GPR160: variants seen among roughly 807,000 people sequenced by gnomAD.
The protein encoded by GPR160 is G protein-coupled receptor 160.
In GPR160, 2 loss-of-function variants were observed where a neutral mutation model predicts 2.6. The ratio of observed to expected loss-of-function variants is 0.77; its 90% CI spans 0.32 to 2.44. The LOEUF (loss-of-function observed/expected upper bound fraction) is 2.44, where lower values mean the gene tolerates loss of function less well. GPR160 is among the 30% of genes most tolerant of loss of function. GPR160 has a pLI of 0.11. For synonymous variants in GPR160, 130 were observed against 132.2 expected (o/e 0.98, Z 0.12); for missense variants, 351 against 383.6 (o/e 0.91, Z 0.71).
rs1712028595 is a variant in GPR160, at chr3:170,062,670, T to TG, written c.-192-17103dup. ...AATGCAGCCATCGCCAAGCAAGCCT[T>TG]GAAATAGCCCATCAAGGGCAAACAG... On this transcript the variant is annotated intron_variant, in intron 2 of 3. Coordinates refer to ENST00000355897, the MANE Select transcript of GPR160 (RefSeq NM_014373.3). 7 of 1,442,676 alleles carry TG rather than the reference T, an allele frequency of 4.9e-6. No individual in the cohort carries two copies. The Middle Eastern group carries it at 8.6e-4, about 178-fold the overall frequency. 89.4% of individuals were successfully genotyped at this position (1,442,676 alleles called of 1,614,324 possible). A position where few individuals can be genotyped will look rare whatever the true frequency, so the allele number is the denominator to read the frequency against.
intron 2 of GPR160, chr3:170,057,375 A>G (rs1174868744): frequency 6.6e-6 from 1 of 152,168 alleles, no homozygotes; most frequent in Non-Finnish European, 1.5e-5. Flanking sequence ...TTTTCTCAAT[A>G]CCCTGCCATG....
intron 2 of GPR160, chr3:170,062,677 GC>G: frequency 7.0e-7 from 1 of 1,438,612 alleles, no homozygotes; most frequent in South Asian, 1.2e-5. Context: ...CCTTGAAATA[GC>G]CCATCAAGGG....
chr3:170,053,164 TA>T (rs35305610), intron 2 of GPR160, among the ~76,000 whole-genome samples: 1,897 of 152,252 alleles, frequency 0.012, 19 homozygotes, highest in Non-Finnish European at 0.019. Flanking sequence ...TGAATATCTT[TA>T]AAAAAGAAAA....
chr3:170,070,839 C>A (rs1712554053), intron 2 of GPR160, among the ~76,000 whole-genome samples: 1 of 152,184 alleles, frequency 6.6e-6, no homozygotes, highest in South Asian at 2.1e-4. Flanking sequence ...TGGAGATTTA[C>A]ATTAATTCCA....
At chr3:170,043,748 G>C (rs1457538024) in intron 2 of GPR160, among the ~76,000 whole-genome samples, 1 of 152,058 alleles carries the variant, frequency 6.6e-6, no homozygotes, top group Non-Finnish European at 1.5e-5. Context: ...ACAGGCGGGG[G>C]GCATGGGTCA....
At chr3:170,059,987 A>G (rs952142762) in intron 2 of GPR160, among the ~76,000 whole-genome samples, 3 of 152,258 alleles carry the variant, frequency 2.0e-5, no homozygotes, top group East Asian at 1.9e-4. Context: ...GACTCCTGAG[A>G]TGGTAGCTTT....
chr3:170,081,814 A>C (rs1713143030), intron 3 of GPR160, among the ~76,000 whole-genome samples: 1 of 152,156 alleles, frequency 6.6e-6, no homozygotes, highest in Non-Finnish European at 1.5e-5. Context: ...TTATAAGTGA[A>C]AACATGCGGT....
intron 3 of GPR160, 71 bp from the exon 4 acceptor site, chr3:170,083,834 G>A (rs750887558): frequency 6.5e-6 from 3 of 461,502 alleles, no homozygotes; most frequent in Non-Finnish European, 1.2e-5. Context: ...AGGCTTTTAA[G>A]AATAGTGGTG....
chr3:170,061,214 G>A (rs892953927), intron 2 of GPR160, among the ~76,000 whole-genome samples: 2 of 151,576 alleles, frequency 1.3e-5, no homozygotes, highest in African/African-American at 4.9e-5. Context: ...GGCAGAGGTT[G>A]CAGTGAGCCG....
chr3:170,068,290 G>A (rs1047188145), intron 2 of GPR160, among the ~76,000 whole-genome samples: 12 of 152,054 alleles, frequency 7.9e-5, no homozygotes, highest in African/African-American at 1.4e-4. Flanking sequence ...TATTACAGGC[G>A]TGCACCACCA....
intron 2 of GPR160, among the ~76,000 whole-genome samples, chr3:170,058,194 A>G (rs1479123936): frequency 6.6e-6 from 1 of 152,210 alleles, no homozygotes; most frequent in Non-Finnish European, 1.5e-5. Context: ...GCAATGGATC[A>G]AATCCAGTAC....
At chr3:170,066,628 C>A (rs1337318770) in intron 2 of GPR160, among the ~76,000 whole-genome samples, 1 of 152,050 alleles carries the variant, frequency 6.6e-6, no homozygotes, top group African/African-American at 2.4e-5. Context: ...TCTCTATTGG[C>A]GGACATTTAA....
intron 2 of GPR160, among the ~76,000 whole-genome samples, chr3:170,048,418 A>T (rs557368572): frequency 2.6e-4 from 39 of 152,254 alleles, no homozygotes; most frequent in South Asian, 4.1e-4. Flanking sequence ...CTATTAAAAA[A>T]TTTTTTTTAA....
At chr3:170,050,942 G>C (rs926462743) in intron 2 of GPR160, among the ~76,000 whole-genome samples, 2 of 152,180 alleles carry the variant, frequency 1.3e-5, no homozygotes, top group African/African-American at 4.8e-5. Context: ...ACAAGTGTTA[G>C]TATGGACCTT....
intron 2 of GPR160, among the ~76,000 whole-genome samples, chr3:170,058,835 A>G (rs529679468): frequency 6.6e-6 from 1 of 152,364 alleles, no homozygotes; most frequent in Admixed American, 6.5e-5. Flanking sequence ...TGAATAAGCT[A>G]TAGTATATCT....
At chr3:170,068,602 C>T (rs1712453558) in intron 2 of GPR160, among the ~76,000 whole-genome samples, 1 of 152,194 alleles carries the variant, frequency 6.6e-6, no homozygotes. Context: ...ATTTCCCAAA[C>T]ATTATTTTCC....
Position 170,041,566 on chromosome 3 carries a change from C to T in GPR160, c.-193+2523C>T, listed in dbSNP as rs544280843. Among the ~76,000 whole-genome samples the T allele has an allele frequency of 2.4e-3, 370 of 152,312 alleles. 2 individuals carry two copies. Among genetic ancestry groups the T allele is most frequent in the African/African-American group, 8.6e-3 (357 of 41,578 alleles). On this transcript the variant is annotated intron_variant, in intron 2 of 3. Coordinates refer to ENST00000355897, the MANE Select transcript of GPR160 (RefSeq NM_014373.3). ...AAGTGTTGGGATTACAGGCGTGAGCCATCGCGCCCGGCCGTAAAGATGTTT... is the reference window on the plus strand; with the variant it reads ...AAGTGTTGGGATTACAGGCGTGAGCTATCGCGCCCGGCCGTAAAGATGTTT...
chr3:170,076,456 C>A (rs1253807928), intron 2 of GPR160, among the ~76,000 whole-genome samples: 1 of 152,030 alleles, frequency 6.6e-6, no homozygotes, highest in East Asian at 1.9e-4. Context: ...ATTTCATTAT[C>A]CAAATGGATA....
At chr3:170,082,972 G>GT (rs1559994358) in intron 3 of GPR160, among the ~76,000 whole-genome samples, 16 of 134,814 alleles carry the variant, frequency 1.2e-4, no homozygotes, top group Admixed American at 4.7e-4. Context: ...TCATTTTTGG[G>GT]GTTTTTTTTT....
Sources: allele counts gnomAD v4.1 joint callset (sites outside exome capture counted in the v4.1 genomes callset), GRCh38; gene constraint gnomAD v4.1.1; transcripts MANE v1.5; gene names NCBI Gene and HGNC (gene_info 2026-07-23, HGNC 2026-07-21).